FBXL20: variants seen among roughly 807,000 people sequenced by gnomAD.
FBXL20 encodes the protein F-box and leucine rich repeat protein 20.
FBXL20 carries 11 observed loss-of-function variants against 64.0 expected under a neutral mutation model. The ratio of observed to expected loss-of-function variants is 0.17; its 90% CI spans 0.11 to 0.28. FBXL20 has a LOEUF of 0.28. FBXL20 is among the 10% of genes least tolerant of loss of function. The pLI is 1.00. For synonymous variants in FBXL20, 184 were observed against 189.0 expected (o/e 0.97, Z 0.22); for missense variants, 303 against 526.2 (o/e 0.58, Z 4.15).
rs770724116 is a variant in FBXL20 at position 39,285,622 on chromosome 17, C to T, written c.399-49G>A. ...ATAATGAATAAACAAGACAAGTACA[C>T]ATCCTTGGTATATCAGACACTGTTC... On this transcript the variant is annotated intron_variant, in intron 6 of 14. Transcript: ENST00000264658. 3.2e-6 allele frequency: 4 copies of T among 1,245,958 alleles called. No homozygotes were observed. The South Asian group carries it at 4.2e-5, about 13-fold the overall frequency. 77.2% of individuals were successfully genotyped at this position (1,245,958 alleles called of 1,614,324 possible). A position where few individuals can be genotyped will look rare whatever the true frequency, so the allele number is the denominator to read the frequency against.
At chr17:39,311,488 T>C (rs926113821) in intron 2 of FBXL20, among the ~76,000 whole-genome samples, 6 of 151,976 alleles carry the variant, frequency 3.9e-5, no homozygotes, top group African/African-American at 1.2e-4. Context: ...CCAGGAAAGG[T>C]TGTATGTCTT....
chr17:39,296,226 A>G (rs2047083884), intron 6 of FBXL20, among the ~76,000 whole-genome samples: 1 of 152,106 alleles, frequency 6.6e-6, no homozygotes, highest in Non-Finnish European at 1.5e-5. Flanking sequence ...AGTATATTTC[A>G]TCTCTCACAG....
At chr17:39,384,039 G>C (rs942704304) in intron 1 of FBXL20, among the ~76,000 whole-genome samples, 1 of 151,922 alleles carries the variant, frequency 6.6e-6, no homozygotes, top group African/African-American at 2.4e-5. Context: ...TTCAAGACCA[G>C]CCTGAGCAAC....
chr17:39,350,250 G>C (rs1241294490), intron 1 of FBXL20, among the ~76,000 whole-genome samples: 3 of 152,076 alleles, frequency 2.0e-5, no homozygotes, highest in Non-Finnish European at 4.4e-5. Context: ...TGTAACTTTG[G>C]GAGGCCAAGG....
intron 2 of FBXL20, among the ~76,000 whole-genome samples, chr17:39,315,393 T>TTTTATATATA (rs147050998): frequency 0.014 from 1,820 of 134,530 alleles, 20 homozygotes; most frequent in Non-Finnish European, 0.021. Flanking sequence ...TTTAAATAAT[T>TTTTATATATA]TATATATATA....
chr17:39,318,993 G>C (rs2047323330), intron 2 of FBXL20, among the ~76,000 whole-genome samples: 1 of 149,892 alleles, frequency 6.7e-6, no homozygotes, highest in Non-Finnish European at 1.5e-5. Context: ...GCTCACGCCT[G>C]TAATCTCAGC....
chr17:39,293,129 T>C (rs1304601996), intron 6 of FBXL20, among the ~76,000 whole-genome samples: 4 of 152,062 alleles, frequency 2.6e-5, no homozygotes, highest in Non-Finnish European at 5.9e-5. Flanking sequence ...TGACAGATAT[T>C]CTGTATGCCA....
chr17:39,362,919 A>G (rs894225463), intron 1 of FBXL20, among the ~76,000 whole-genome samples: 2 of 151,758 alleles, frequency 1.3e-5, no homozygotes, highest in Non-Finnish European at 2.9e-5. Context: ...CGCCTGGCCT[A>G]GTAAACTTTT....
chr17:39,387,678 A>G (rs2144668778), intron 1 of FBXL20, among the ~76,000 whole-genome samples: 1 of 151,870 alleles, frequency 6.6e-6, no homozygotes, highest in East Asian at 1.9e-4. Flanking sequence ...CCTGGGCTCA[A>G]GCAATCCTTC....
chr17:39,397,192 C>T (rs1434148722), intron 1 of FBXL20, among the ~76,000 whole-genome samples: 1 of 152,138 alleles, frequency 6.6e-6, no homozygotes, highest in Non-Finnish European at 1.5e-5. Flanking sequence ...AGGCGTGAGC[C>T]ACCATGCCCA....
chr17:39,342,695 C>T (rs535671380), intron 2 of FBXL20, among the ~76,000 whole-genome samples: 8 of 149,432 alleles, frequency 5.4e-5, no homozygotes, highest in African/African-American at 2.0e-4. Flanking sequence ...CCAGCCTGGG[C>T]GACAGAGAGA....
intron 7 of FBXL20, 56 bp from the exon 8 acceptor site, chr17:39,282,911 C>G: frequency 6.3e-7 from 1 of 1,594,004 alleles, no homozygotes; most frequent in Non-Finnish European, 8.6e-7. Flanking sequence ...CCAAAAACAC[C>G]AACGTCTCAA....
chr17:39,322,387 T>A (rs1222506636), intron 2 of FBXL20, among the ~76,000 whole-genome samples: 1 of 152,136 alleles, frequency 6.6e-6, no homozygotes, highest in Non-Finnish European at 1.5e-5. Flanking sequence ...CCAAAAAGTT[T>A]ACAAAAAGCT....
intron 2 of FBXL20, among the ~76,000 whole-genome samples, chr17:39,339,988 A>G (rs1479502771): frequency 6.6e-6 from 1 of 151,154 alleles, no homozygotes; most frequent in Non-Finnish European, 1.5e-5. Context: ...GCCCAGGCTG[A>G]AGCGCAATGG....
In FBXL20 at chr17:39,315,870, A is replaced by AGAGAGAGAGC. The variant is rs1267884348; in HGVS notation, c.105-12232_105-12231insGCTCTCTCTC. ...GAGAGAGAGAGAGAGAGAGAGAGAG[A>AGAGAGAGAGC]GCAACTGTAGAGCGAAATTGGTTAA... On this transcript the variant is annotated intron_variant, in intron 2 of 14. Coordinates refer to ENST00000264658, the MANE Select transcript of FBXL20 (RefSeq NM_032875.3). Among the ~76,000 whole-genome samples the AGAGAGAGAGC allele has an allele frequency of 3.5e-3, 488 of 139,338 alleles. 2 individuals are homozygous for AGAGAGAGAGC. The highest frequency in any genetic ancestry group is 4.9e-3 in the Non-Finnish European group (317 of 64,470). 91.4% of individuals were successfully genotyped at this position (139,338 alleles called of 152,430 possible). A position where few individuals can be genotyped will look rare whatever the true frequency, so the allele number is the denominator to read the frequency against.
chr17:39,354,516 G>A (rs1392251730), intron 1 of FBXL20, among the ~76,000 whole-genome samples: 2 of 152,180 alleles, frequency 1.3e-5, no homozygotes, highest in Admixed American at 1.3e-4. Context: ...AGCTCTGAGA[G>A]GAAAGGGACC....
intron 2 of FBXL20, among the ~76,000 whole-genome samples, chr17:39,333,531 A>G (rs949648183): frequency 6.6e-6 from 1 of 152,056 alleles, no homozygotes; most frequent in Non-Finnish European, 1.5e-5. Flanking sequence ...TTGGCTTCCC[A>G]AAGTGCCGAG....
At chr17:39,308,139 G>T (rs1002401416) in intron 2 of FBXL20, among the ~76,000 whole-genome samples, 1 of 150,638 alleles carries the variant, frequency 6.6e-6, no homozygotes, top group African/African-American at 2.4e-5. Context: ...CCAAAAGTTT[G>T]ATCTTTTTTT....
chr17:39,310,438 C>T (rs2047223861), intron 2 of FBXL20, among the ~76,000 whole-genome samples: 1 of 152,054 alleles, frequency 6.6e-6, no homozygotes, highest in South Asian at 2.1e-4. Context: ...AGAATTCATC[C>T]CCTAAACCTT....
Sources: gnomAD v4.1 joint callset for allele counts (sites outside exome capture counted in the v4.1 genomes callset) on GRCh38, gnomAD v4.1.1 for gene constraint, MANE v1.5 for transcripts, NCBI Gene and HGNC (gene_info 2026-07-23, HGNC 2026-07-21) for gene names.